Variants in USP43 observed in about 807,000 individuals in gnomAD.
USP43 encodes ubiquitin carboxyl-terminal hydrolase 43.
USP43 carries 33 observed loss-of-function variants against 90.7 expected under a neutral mutation model. The observed-to-expected ratio is 0.36, with a 90% confidence interval of 0.28 to 0.49. The LOEUF (loss-of-function observed/expected upper bound fraction) is 0.49. Ranked by LOEUF, USP43 falls within the 20% of genes least tolerant of loss-of-function variation. USP43 has a pLI of 0.98. For missense variants in USP43, 1,274 were observed against 1,476.4 expected (o/e 0.86, Z 2.25); for synonymous variants, 598 against 615.8 (o/e 0.97, Z 0.43).
chr17:9,678,561 C>T (rs550868307), intron 5 of USP43, among the ~76,000 whole-genome samples: 7 of 152,124 alleles, frequency 4.6e-5, no homozygotes, highest in East Asian at 3.9e-4. Flanking sequence ...AGGATGATCT[C>T]GATCTCTTGA....
At chr17:9,659,203 A>T (rs1216738828) in intron 2 of USP43, among the ~76,000 whole-genome samples, 1 of 152,220 alleles carries the variant, frequency 6.6e-6, no homozygotes, top group Non-Finnish European at 1.5e-5. Flanking sequence ...TATATTTTTT[A>T]AAAAGATACT....
chr17:9,657,959 G>A (rs1912379824), intron 2 of USP43, among the ~76,000 whole-genome samples: 1 of 152,182 alleles, frequency 6.6e-6, no homozygotes, highest in Non-Finnish European at 1.5e-5. Flanking sequence ...CAATGAGTGA[G>A]CAAAGTTATT....
At position 9,701,681 on chromosome 17, in the gene USP43, G is replaced by C; in HGVS notation, c.1992G>C (p.Leu664=). The change falls in exon 12 of 15, where the codon CTG becomes CTC. Residue 664 remains leucine, a synonymous_variant. Coordinates refer to ENST00000285199, the MANE Select transcript of USP43 (RefSeq NM_153210.5). The surrounding 1 kb of genome is among the most constrained non-coding windows in gnomAD (Gnocchi z 7.2). The part of the protein sequence containing the change: ...LYAVCNHHGN[L]QGGHYTAYCR... ...CCGTCTGCAACCACCATGGCAACCT[G>C]CAAGGTGGGCATTACACAGGTGAGC... 6.4e-7 allele frequency: 1 copy of C among 1,567,806 alleles called. No homozygotes were observed. The highest frequency in any genetic ancestry group is 8.6e-7 in the Non-Finnish European group (1 of 1,156,132).
At chr17:9,688,128 G>A (rs1276370414) in intron 8 of USP43, among the ~76,000 whole-genome samples, 1 of 151,744 alleles carries the variant, frequency 6.6e-6, no homozygotes, top group Non-Finnish European at 1.5e-5. Context: ...TGGGACTACA[G>A]GCGCCCGCCA....
rs143956338 is a variant in USP43 at position 9,682,807 on chromosome 17, A to C, written c.1106-16A>C. On this transcript the variant is annotated splice_polypyrimidine_tract_variant and intron_variant, in intron 6 of 14. Transcript: ENST00000285199. Reference sequence around the variant, plus strand: ...TCCTTTAGGAATATGAACAAATGTCATTCTCTCCCTTCTAGCTCATCCACT... The same window carrying C: ...TCCTTTAGGAATATGAACAAATGTCCTTCTCTCCCTTCTAGCTCATCCACT... 1.9e-6 allele frequency: 3 copies of C among 1,612,320 alleles called. No homozygotes were observed. Among genetic ancestry groups the C allele is most frequent in the Non-Finnish European group, 8.5e-7 (1 of 1,178,908 alleles).
chr17:9,652,824 G>A (rs1449328446), intron 1 of USP43, among the ~76,000 whole-genome samples: 1 of 152,040 alleles, frequency 6.6e-6, no homozygotes, highest in Non-Finnish European at 1.5e-5. Context: ...TAAAACAATT[G>A]CTCATGATCC....
chr17:9,686,983 T>C lies in USP43; in HGVS notation c.1353+74T>C. 2 of 1,364,140 alleles carry C rather than the reference T, an allele frequency of 1.5e-6. No homozygotes were observed. The highest frequency in any genetic ancestry group is 1.2e-5 in the South Asian group (1 of 80,962). 84.5% of individuals were successfully genotyped at this position (1,364,140 alleles called of 1,614,324 possible). On this transcript the variant is annotated intron_variant, in intron 8 of 14. Coordinates refer to ENST00000285199, the MANE Select transcript of USP43 (RefSeq NM_153210.5). The surrounding 1 kb of genome is among the most constrained non-coding windows in gnomAD (Gnocchi z 5.5). ...CATGCGTGTGTGTGGGTGTGTGTAT[T>C]GGGAGGGGTGGAATTTAGTGTAGCC...
chr17:9,726,792 G>A (rs971361365), intron 14 of USP43, among the ~76,000 whole-genome samples: 12 of 152,164 alleles, frequency 7.9e-5, no homozygotes, highest in African/African-American at 2.9e-4. Flanking sequence ...AGACTTCAGA[G>A]GTCACCCTGC....
rs1414841336 is a variant in USP43 at position 9,709,079 on chromosome 17, T to C, written c.2012-877T>C. On this transcript the variant is annotated intron_variant, in intron 12 of 14. Transcript: ENST00000285199. This position sits in a 1 kb window ranked among gnomAD's most constrained non-coding sequence, Gnocchi z 5.0. ...TCAATATTTGTCATCTGGTCCCTTA[T>C]GGGAAAAGTTTGCAAACTTCCAGAT... 6.6e-6 allele frequency among the ~76,000 whole-genome samples: 1 copy of C among 152,226 alleles called. No individual in the cohort carries two copies. The highest frequency in any genetic ancestry group is 6.5e-5 in the Admixed American group (1 of 15,280).
At chr17:9,707,115 TA>T (rs1915927758) in intron 12 of USP43, among the ~76,000 whole-genome samples, 1 of 152,182 alleles carries the variant, frequency 6.6e-6, no homozygotes, top group Non-Finnish European at 1.5e-5. Flanking sequence ...AAAATAAACT[TA>T]AAAGATGTTA....
intron 2 of USP43, 72 bp from the exon 3 acceptor site, chr17:9,666,576 C>A: frequency 2.3e-6 from 3 of 1,276,920 alleles, no homozygotes; most frequent in South Asian, 2.6e-5. Context: ...GAAGCATGGG[C>A]TCGGTGGTCT....
In USP43 at chr17:9,682,931, TG is replaced by T; in HGVS notation, c.1216del (p.Val406TrpfsTer15). ...ESKVLILFCNLVGSGQQASRF... is the reference protein window; with the variant it reads ...ESKVLILFCNXVGSGQQASRF... ...AAGGTGCTAATCCTCTTCTGTAACTTGGTGGGGTCAGGGCAGCAGGCTAGCA... is the reference window on the plus strand; with the variant it reads ...AAGGTGCTAATCCTCTTCTGTAACTTGTGGGGTCAGGGCAGCAGGCTAGCA... On this transcript the variant is annotated frameshift_variant, in exon 7 of 15. Transcript: ENST00000285199. LOFTEE classifies it high-confidence loss of function. 6.2e-7 allele frequency: 1 copy of T among 1,613,990 alleles called. No homozygotes were observed. The highest frequency in any genetic ancestry group is 1.1e-5 in the South Asian group (1 of 91,072).
Position 9,653,925 on chromosome 17 carries a change from A to G in USP43, c.505-2478A>G, listed in dbSNP as rs988631155. 1.3e-5 allele frequency among the ~76,000 whole-genome samples: 2 copies of G among 152,176 alleles called. 1 individual carries two copies. Among genetic ancestry groups the G allele is most frequent in the Non-Finnish European group, 2.9e-5 (2 of 68,034 alleles). The stretch of plus-strand genomic sequence containing the variant: ...TAGGTGAAACTCAACAGTTGGAATG[A>G]GACTCTTCTATAGGGGAAGGGTAGA... On this transcript the variant is annotated intron_variant, in intron 1 of 14. Transcript: ENST00000285199.
intron 14 of USP43, among the ~76,000 whole-genome samples, chr17:9,723,549 TCCCCTCCCCTC>T (rs1917084711): frequency 5.6e-5 from 1 of 17,710 alleles, no homozygotes; most frequent in Non-Finnish European, 1.1e-4. Flanking sequence ...TCCCCTCCCC[TCCCCTCCCCTC>T]CCCTCCCTCC....
intron 14 of USP43, among the ~76,000 whole-genome samples, chr17:9,719,554 G>A (rs1246020512): frequency 1.3e-5 from 2 of 152,182 alleles, no homozygotes; most frequent in African/African-American, 4.8e-5. Context: ...TAGTTGTAAA[G>A]CTCACCCCTA....
At chr17:9,653,020 G>C (rs552745696) in intron 1 of USP43, among the ~76,000 whole-genome samples, 1 of 152,156 alleles carries the variant, frequency 6.6e-6, no homozygotes, top group Non-Finnish European at 1.5e-5. Context: ...GGCCATCTGA[G>C]TATGTCATAA....
chr17:9,709,069 T>C lies in USP43; in HGVS notation c.2012-887T>C, dbSNP rs1916043388. ...CTGCAAAGTCTCAATATTTGTCATC[T>C]GGTCCCTTATGGGAAAAGTTTGCAA... On this transcript the variant is annotated intron_variant, in intron 12 of 14. Transcript: ENST00000285199. This position sits in a 1 kb window ranked among gnomAD's most constrained non-coding sequence, Gnocchi z 5.0. Among the ~76,000 whole-genome samples, 1 of 152,258 alleles carries C rather than the reference T, an allele frequency of 6.6e-6. No individual in the cohort carries two copies. Among genetic ancestry groups the C allele is most frequent in the Admixed American group, 6.5e-5 (1 of 15,284 alleles).
At chr17:9,715,771 GTC>G (rs1392403199) in intron 14 of USP43, among the ~76,000 whole-genome samples, 2 of 142,256 alleles carry the variant, frequency 1.4e-5, no homozygotes, top group African/African-American at 2.9e-5. Flanking sequence ...GCGTGTTTGT[GTC>G]TATGTGTGTG....
intron 5 of USP43, among the ~76,000 whole-genome samples, chr17:9,679,199 TATGAATGA>T (rs533416737): frequency 6.6e-6 from 1 of 152,098 alleles, no homozygotes; most frequent in African/African-American, 2.4e-5. Context: ...TCTATGTATT[TATGAATGA>T]ATGAATGAAT....
Sources: allele counts gnomAD v4.1 joint callset (sites outside exome capture counted in the v4.1 genomes callset), GRCh38; gene constraint gnomAD v4.1.1; non-coding constraint Gnocchi (gnomAD v3.1); transcripts MANE v1.5; gene names NCBI Gene and HGNC (gene_info 2026-07-23, HGNC 2026-07-21).